The following SNX4 variants were observed in gnomAD, a reference collection of about 807,000 sequenced individuals.
SNX4 encodes the protein sorting nexin-4.
In SNX4, 49 loss-of-function variants were observed where a neutral mutation model predicts 70.8. The observed-to-expected ratio is 0.69, with a 90% confidence interval of 0.55 to 0.88. SNX4 has a LOEUF of 0.88. SNX4 is among the 40% of genes least tolerant of loss of function. SNX4 has a pLI of 0.00. For synonymous variants in SNX4, 206 were observed against 183.8 expected (o/e 1.12, Z -0.98); for missense variants, 528 against 544.8 (o/e 0.97, Z 0.31).
rs144385155 is a variant in SNX4 at position 125,451,311 on chromosome 3, G to A, written c.1299C>T (p.Cys433=). 1.9e-6 allele frequency: 3 copies of A among 1,606,434 alleles called. No individual in the cohort carries two copies. In the African/African-American group the frequency reaches 4.0e-5, roughly 22 times the overall value. ...ISYAVMQISM[C]KKGIQVWTNA... Reference sequence around the variant, plus strand: ...GAAACAGGAAAAACCCTACCTTTTTGCACATACTGATCTGCATGACTGCAT... The same window carrying A: ...GAAACAGGAAAAACCCTACCTTTTTACACATACTGATCTGCATGACTGCAT... Residue 433 remains cysteine, a synonymous_variant, in exon 13 of 14, where the codon TGC becomes TGT. Coordinates refer to ENST00000251775, the MANE Select transcript of SNX4 (RefSeq NM_003794.4).
chr3:125,488,422 C>G (rs1170789630), intron 6 of SNX4, among the ~76,000 whole-genome samples: 1 of 151,960 alleles, frequency 6.6e-6, no homozygotes, highest in African/African-American at 2.4e-5. Context: ...TTGCAGTGAG[C>G]AGGGATCACG....
At chr3:125,516,261 C>T (rs1935275652) in intron 1 of SNX4, among the ~76,000 whole-genome samples, 1 of 152,222 alleles carries the variant, frequency 6.6e-6, no homozygotes, top group Admixed American at 6.5e-5. Flanking sequence ...AAAAACTACT[C>T]TGTCCTCCAC....
At chr3:125,467,085 A>C (rs1934043034) in intron 9 of SNX4, among the ~76,000 whole-genome samples, 2 of 70,622 alleles carry the variant, frequency 2.8e-5, no homozygotes, top group Admixed American at 1.4e-4. Context: ...TCTGTCTTCC[A>C]AAAAAAAAAA....
intron 10 of SNX4, among the ~76,000 whole-genome samples, chr3:125,460,476 T>C (rs187699639): frequency 6.6e-6 from 1 of 152,156 alleles, no homozygotes; most frequent in South Asian, 2.1e-4. Flanking sequence ...TTACACACAC[T>C]GAATCTGTAT....
chr3:125,489,809 C>T (rs1934611073), intron 5 of SNX4, among the ~76,000 whole-genome samples: 3 of 152,130 alleles, frequency 2.0e-5, no homozygotes, highest in South Asian at 2.1e-4. Context: ...GGCAATGATA[C>T]GTATATATAA....
chr3:125,475,369 T>G (rs568844136), intron 8 of SNX4, among the ~76,000 whole-genome samples: 1 of 151,962 alleles, frequency 6.6e-6, no homozygotes, highest in African/African-American at 2.4e-5. Flanking sequence ...GAGAAAAAAT[T>G]TTTTTCATTT....
At chr3:125,508,633 C>G (rs1935101513) in intron 1 of SNX4, among the ~76,000 whole-genome samples, 1 of 151,210 alleles carries the variant, frequency 6.6e-6, no homozygotes, top group Admixed American at 6.6e-5. Flanking sequence ...TCAAAACTTA[C>G]TACAAAGCTA....
chr3:125,518,709 A>T (rs1229516075), intron 1 of SNX4, among the ~76,000 whole-genome samples: 2 of 152,220 alleles, frequency 1.3e-5, no homozygotes, highest in African/African-American at 4.8e-5. Flanking sequence ...TCTACAAAAA[A>T]TACAAAAATT....
chr3:125,461,588 T>C (rs886480630), intron 9 of SNX4, among the ~76,000 whole-genome samples: 1 of 152,194 alleles, frequency 6.6e-6, no homozygotes, highest in Admixed American at 6.5e-5. Flanking sequence ...TTTATTATAA[T>C]GATGCCAAAT....
At chr3:125,501,511 T>C (rs1215434738) in intron 2 of SNX4, among the ~76,000 whole-genome samples, 2 of 151,952 alleles carry the variant, frequency 1.3e-5, no homozygotes, top group African/African-American at 4.8e-5. Flanking sequence ...TCCCAGCTAC[T>C]TGGGAAGCTG....
chr3:125,482,537 C>G (rs567824079), intron 6 of SNX4, among the ~76,000 whole-genome samples: 26 of 152,148 alleles, frequency 1.7e-4, no homozygotes, highest in Admixed American at 5.2e-4. Context: ...CCTGACTGGC[C>G]TCCTAGCCCA....
intron 8 of SNX4, 135 bp from the exon 9 acceptor site, chr3:125,469,654 T>C: frequency 1.6e-6 from 1 of 618,088 alleles, no homozygotes. Flanking sequence ...TTATTTTGTA[T>C]AACTCAAATA....
intron 11 of SNX4, among the ~76,000 whole-genome samples, chr3:125,455,788 C>T (rs1013923345): frequency 9.2e-5 from 14 of 151,904 alleles, no homozygotes; most frequent in Admixed American, 3.9e-4. Flanking sequence ...CCGAGGCGGG[C>T]GGATCACGAG....
intron 9 of SNX4, among the ~76,000 whole-genome samples, chr3:125,461,727 T>C (rs2107530835): frequency 6.6e-6 from 1 of 151,980 alleles, no homozygotes; most frequent in Middle Eastern, 3.4e-3. Context: ...AGTGGCGCGA[T>C]CTTGGCTCAC....
At chr3:125,520,004 T>C (rs1224606347) in intron 1 of SNX4, 28 bp downstream of exon 1, 3 of 1,189,300 alleles carry the variant, frequency 2.5e-6, no homozygotes, top group African/African-American at 1.7e-5. Flanking sequence ...ACACAGGCCA[T>C]GAGGGCTCTG....
intron 9 of SNX4, among the ~76,000 whole-genome samples, chr3:125,463,573 T>G (rs991523701): frequency 6.6e-6 from 1 of 152,224 alleles, no homozygotes; most frequent in African/African-American, 2.4e-5. Context: ...AACAAAATAG[T>G]TGAAAAAAGT....
At chr3:125,517,697 C>T (rs756419044) in intron 1 of SNX4, among the ~76,000 whole-genome samples, 9 of 152,170 alleles carry the variant, frequency 5.9e-5, no homozygotes, top group Non-Finnish European at 1.0e-4. Context: ...CCACATAGGC[C>T]GAGGGCAGTG....
chr3:125,476,989 T>G (rs1934303398), intron 7 of SNX4, among the ~76,000 whole-genome samples: 1 of 152,206 alleles, frequency 6.6e-6, no homozygotes, highest in South Asian at 2.1e-4. Context: ...AATTACTGTT[T>G]TTAAATTGCC....
intron 1 of SNX4, among the ~76,000 whole-genome samples, chr3:125,507,198 A>G (rs1198537933): frequency 4.5e-4 from 68 of 150,874 alleles, no homozygotes; most frequent in Non-Finnish European, 9.2e-4. Context: ...ATAGAAAAAA[A>G]AAAAAAAAAA....
Sources: allele counts gnomAD v4.1 joint callset (sites outside exome capture counted in the v4.1 genomes callset), GRCh38; gene constraint gnomAD v4.1.1; transcripts MANE v1.5; gene names NCBI Gene and HGNC (gene_info 2026-07-23, HGNC 2026-07-21).